Variants in SHCBP1 observed in about 807,000 individuals in gnomAD.
SHCBP1 encodes SHC binding and spindle associated 1, also known as SHC SH2 domain-binding protein 1.
SHCBP1 carries 60 observed loss-of-function variants against 75.1 expected under a neutral mutation model. The ratio of observed to expected loss-of-function variants is 0.80; its 90% CI spans 0.65 to 0.99. The LOEUF (loss-of-function observed/expected upper bound fraction) is 0.99. SHCBP1 is among the 50% of genes least tolerant of loss of function. The pLI, the probability that SHCBP1 is intolerant of heterozygous loss-of-function variation, is 0.00. For missense variants in SHCBP1, 709 were observed against 809.4 expected (o/e 0.88, Z 1.50); for synonymous variants, 290 against 293.2 (o/e 0.99, Z 0.11).
rs1359585312 is a variant in SHCBP1, at chr16:46,600,046, T to A, written c.1214-84A>T. ...CACTGTAGAACAAGTTTCTCTAGTT[T>A]AAATGACTGCAGATGATAATGAGAC... On this transcript the variant is annotated intron_variant, in intron 8 of 12. Transcript: ENST00000303383. 9 of 1,462,522 alleles carry A rather than the reference T, an allele frequency of 6.2e-6. No individual in the cohort carries two copies. In the Middle Eastern group the frequency reaches 7.0e-4, roughly 113 times the overall value. The allele number at this position is 1,462,522 out of a possible 1,614,324, so 90.6% of individuals were successfully genotyped here.
At chr16:46,603,782 T>A in intron 7 of SHCBP1, 123 bp from the exon 8 acceptor site, 1 of 1,380,772 alleles carries the variant, frequency 7.2e-7, no homozygotes, top group Non-Finnish European at 1.0e-6. Flanking sequence ...TTGAAGCATC[T>A]CCTTTGATAG....
chr16:46,614,067 C>A (rs1364910017), intron 4 of SHCBP1, among the ~76,000 whole-genome samples: 1 of 152,128 alleles, frequency 6.6e-6, no homozygotes, highest in Non-Finnish European at 1.5e-5. Context: ...TCTTCAAATG[C>A]TTCAATTGAC....
At chr16:46,582,706 G>T (rs1485420503) in intron 12 of SHCBP1, among the ~76,000 whole-genome samples, 1 of 152,194 alleles carries the variant, frequency 6.6e-6, no homozygotes, top group Non-Finnish European at 1.5e-5. Flanking sequence ...TTTGGAGACA[G>T]AGTCTGCCCC....
intron 4 of SHCBP1, among the ~76,000 whole-genome samples, 182 bp downstream of exon 4, chr16:46,615,764 T>C (rs997597168): frequency 1.2e-4 from 18 of 152,202 alleles, no homozygotes; most frequent in African/African-American, 4.1e-4. Flanking sequence ...AAAAAAAAGA[T>C]TTAAAACATT....
At chr16:46,615,113 G>A (rs1159032042) in intron 4 of SHCBP1, among the ~76,000 whole-genome samples, 2 of 152,176 alleles carry the variant, frequency 1.3e-5, no homozygotes, top group Non-Finnish European at 2.9e-5. Context: ...CCTTTATGAT[G>A]ATCCACTTCC....
At chr16:46,613,286 C>A (rs1965447795) in intron 4 of SHCBP1, among the ~76,000 whole-genome samples, 1 of 152,184 alleles carries the variant, frequency 6.6e-6, no homozygotes. Context: ...CATGATTGCA[C>A]CACTGTACTC....
Position 46,618,173 on chromosome 16 carries a change from T to G in SHCBP1, c.271+32A>C, listed in dbSNP as rs569574904. ...CCTGGACAACAAGAGCGAAACTCCA[T>G]CTCAAAAAAAAAAAGCAAAAAACCT... On this transcript the variant is annotated intron_variant, in intron 2 of 12. Coordinates refer to ENST00000303383, the MANE Select transcript of SHCBP1 (RefSeq NM_024745.5). 5 of 1,563,056 alleles carry G rather than the reference T, an allele frequency of 3.2e-6. No homozygotes were observed. The East Asian group carries it at 1.1e-4, about 35-fold the overall frequency.
chr16:46,610,702 G>T (rs576466752), intron 4 of SHCBP1, among the ~76,000 whole-genome samples: 27 of 151,416 alleles, frequency 1.8e-4, no homozygotes, highest in African/African-American at 5.8e-4. Context: ...GGGATTACAG[G>T]CACGCGCTAC....
In SHCBP1 at chr16:46,581,509, T is replaced by C; in HGVS notation, c.*220A>G. ...GAAAGCAAGACTTTCAGATAAGCAA[T>C]CTCCAAATATTTTCTATTTTATATG... On this transcript the variant is annotated 3_prime_UTR_variant, in exon 13 of 13. Transcript: ENST00000303383. 1 of 495,194 alleles carries C rather than the reference T, an allele frequency of 2.0e-6. No homozygotes were observed. The highest frequency in any genetic ancestry group is 3.5e-6 in the Non-Finnish European group (1 of 282,332). The allele number at this position is 495,194 out of a possible 1,614,324, so 30.7% of individuals were successfully genotyped here.
At chr16:46,617,566 G>T in intron 3 of SHCBP1, 68 bp downstream of exon 3, 1 of 1,178,594 alleles carries the variant, frequency 8.5e-7, no homozygotes, top group Non-Finnish European at 1.2e-6. Flanking sequence ...TAAGCACTTT[G>T]GATATAACAG....
chr16:46,594,534 C>T (rs1965104101), intron 10 of SHCBP1, among the ~76,000 whole-genome samples: 1 of 151,954 alleles, frequency 6.6e-6, no homozygotes, highest in African/African-American at 2.4e-5. Context: ...CAATTAAAAC[C>T]ACAATGAGAT....
At chr16:46,600,741 G>A (rs763286459) in intron 8 of SHCBP1, among the ~76,000 whole-genome samples, 5 of 152,204 alleles carry the variant, frequency 3.3e-5, no homozygotes, top group African/African-American at 4.8e-5. Flanking sequence ...GGCTGGGTAC[G>A]GTGGCGCACG....
At chr16:46,609,456 T>C (rs1965373911) in intron 4 of SHCBP1, among the ~76,000 whole-genome samples, 1 of 131,536 alleles carries the variant, frequency 7.6e-6, no homozygotes, top group Admixed American at 7.5e-5. Flanking sequence ...TTTTTTTTTT[T>C]TTTTTTTTTT....
intron 1 of SHCBP1, chr16:46,620,966 A>T (rs1162007479): frequency 2.7e-6 from 1 of 375,802 alleles, no homozygotes; most frequent in African/African-American, 2.1e-5. Flanking sequence ...CGCAAAACCC[A>T]TCCAGATAGG....
chr16:46,620,954 C>G (rs867046303), intron 1 of SHCBP1: 2 of 350,372 alleles, frequency 5.7e-6, no homozygotes, highest in Middle Eastern at 1.6e-3. Flanking sequence ...ATGCACAGTT[C>G]CCGCAAAACC....
chr16:46,599,824 T>C lies in SHCBP1; in HGVS notation c.1345+7A>G, dbSNP rs752724699. The C allele has an allele frequency of 6.3e-7, 1 of 1,596,278 alleles. No individual in the cohort carries two copies. The highest frequency in any genetic ancestry group is 8.5e-7 in the Non-Finnish European group (1 of 1,173,816). On this transcript the variant is annotated splice_region_variant and intron_variant, in intron 9 of 12. Coordinates refer to ENST00000303383, the MANE Select transcript of SHCBP1 (RefSeq NM_024745.5). ...ACAAATGATATACCAAACATTCAGA[T>C]ACTTACTTAAGATTCCCTCTACAGC...
rs552748854 is a variant in SHCBP1, at chr16:46,590,572, G to A, written c.1464+4980C>T. 3.5e-3 allele frequency among the ~76,000 whole-genome samples: 534 copies of A among 152,248 alleles called. 5 individuals carry two copies. The highest frequency in any genetic ancestry group is 0.017 in the Middle Eastern group (5 of 294). ...CCAACAGACACATGAAAAAATGCTC[G>A]CCATCACCGGCCATCAGAGAAATGC... is the stretch of plus-strand genomic sequence containing the variant. On this transcript the variant is annotated intron_variant, in intron 10 of 12. Transcript: ENST00000303383.
At position 46,616,133 on chromosome 16, in the gene SHCBP1, C is replaced by T. The variant is rs142000194; in HGVS notation, c.409G>A (p.Ala137Thr). ...LVEITDVDFAALKAVVRLAEP... is the reference protein window; with the variant it reads ...LVEITDVDFATLKAVVRLAEP... ...GCAAGCCTCACCACTGCCTTCAAGGCTGCAAAGTCCACATCTGTGATCTGA... is the reference window on the plus strand; with the variant it reads ...GCAAGCCTCACCACTGCCTTCAAGGTTGCAAAGTCCACATCTGTGATCTGA... Residue 137 changes from alanine (A) to threonine (T), a missense_variant, in exon 4 of 13, where the codon GCC becomes ACC. Ala to Thr is a moderately conservative substitution (Grantham distance 58). Transcript: ENST00000303383. This position sits in a 1 kb window ranked among gnomAD's most constrained non-coding sequence, Gnocchi z 4.4. 5.0e-6 allele frequency: 8 copies of T among 1,614,014 alleles called. No homozygotes were observed. The highest frequency in any genetic ancestry group is 4.0e-5 in the African/African-American group (3 of 74,946).
chr16:46,610,539 G>C (rs1172528563), intron 4 of SHCBP1, among the ~76,000 whole-genome samples: 1 of 32,188 alleles, frequency 3.1e-5, no homozygotes, highest in Non-Finnish European at 8.8e-5. Flanking sequence ...ATCCCCATGG[G>C]GTCAATTTTT....
Sources: allele counts gnomAD v4.1 joint callset (sites outside exome capture counted in the v4.1 genomes callset), GRCh38; gene constraint gnomAD v4.1.1; non-coding constraint Gnocchi (gnomAD v3.1); transcripts MANE v1.5; gene names NCBI Gene and HGNC (gene_info 2026-07-23, HGNC 2026-07-21).